Variants in LLGL1 observed in about 807,000 individuals in gnomAD.
The protein encoded by LLGL1 is LLGL scribble cell polarity complex component 1, also known as lethal(2) giant larvae protein homolog 1.
In LLGL1, 58 loss-of-function variants were observed where a neutral mutation model predicts 110.6. The observed-to-expected ratio is 0.52, with a 90% confidence interval of 0.42 to 0.65. The LOEUF (loss-of-function observed/expected upper bound fraction) is 0.65, where lower values mean the gene tolerates loss of function less well. Ranked by LOEUF, LLGL1 falls within the 30% of genes least tolerant of loss-of-function variation. The pLI, the probability that LLGL1 is intolerant of heterozygous loss-of-function variation, is 0.00. For missense variants in LLGL1, 1,229 were observed against 1,462.1 expected, an observed-to-expected ratio of 0.84 and a Z score of 2.60; for synonymous variants, 674 against 607.2, an observed-to-expected ratio of 1.11 and a Z score of -1.62.
rs200704941 is a variant in LLGL1, at chr17:18,241,441, C to T, written c.2503-10C>T. On this transcript the variant is annotated splice_polypyrimidine_tract_variant and intron_variant, in intron 17 of 22. Transcript: ENST00000316843. The stretch of plus-strand genomic sequence containing the variant: ...GCCAGGCTTTGTGCTCACCAGCCAC[C>T]TGCTGTCAGGTGTTCACACTGCCCA... The T allele has an allele frequency of 1.1e-5, 17 of 1,608,036 alleles. 1 individual carries two copies. The East Asian group carries it at 3.4e-4, about 32-fold the overall frequency.
intron 2 of LLGL1, 143 bp downstream of exon 2, chr17:18,230,181 G>T: frequency 1.7e-6 from 1 of 582,242 alleles, no homozygotes; most frequent in Non-Finnish European, 3.0e-6. Context: ...GGGCTTCTGC[G>T]GAGGTTGGCG....
At chr17:18,236,140 G>A in intron 11 of LLGL1, 1 of 183,746 alleles carries the variant, frequency 5.4e-6, no homozygotes, top group Non-Finnish European at 1.1e-5. Flanking sequence ...TCCTTCCCCT[G>A]CCCCCTCCCT....
chr17:18,226,829 G>T (rs2047454702), intron 1 of LLGL1, among the ~76,000 whole-genome samples: 1 of 152,250 alleles, frequency 6.6e-6, no homozygotes, highest in South Asian at 2.1e-4. Flanking sequence ...CTCTGGGGAC[G>T]TTGGTTTTGT....
intron 13 of LLGL1, 157 bp downstream of exon 13, chr17:18,237,096 G>A: frequency 3.1e-6 from 2 of 648,548 alleles, no homozygotes; most frequent in Admixed American, 5.4e-5. Flanking sequence ...GGACAGATGG[G>A]AAGTGGGCCT....
chr17:18,230,733 T>C (rs1196991907), intron 2 of LLGL1, among the ~76,000 whole-genome samples: 4 of 152,128 alleles, frequency 2.6e-5, no homozygotes, highest in Non-Finnish European at 5.9e-5. Flanking sequence ...CTGTGTGGCC[T>C]TCTGGGTTTC....
At position 18,232,504 on chromosome 17, in the gene LLGL1, A is replaced by C; in HGVS notation, c.189A>C (p.Ala63=). 8.1e-6 allele frequency: 13 copies of C among 1,613,732 alleles called. No homozygotes were observed. The highest frequency in any genetic ancestry group is 1.3e-5 in the African/African-American group (1 of 75,000). The change falls in exon 3 of 23, where the codon GCA becomes GCC. Residue 63 remains alanine (A), a synonymous_variant. Transcript: ENST00000316843. ...GACCTGCCACCCTCAGCTATGGTGC[A>C]CCTGGCGTGGAGTTCACAGGCCTGC... ...TRSGAVKIYG[A]PGVEFTGLHR... is the part of the protein sequence containing the mutation.
At position 18,242,556 on chromosome 17, in the gene LLGL1, C is replaced by T. The variant is rs1313608479; in HGVS notation, c.3044C>T (p.Ser1015Leu). ...EAALSPMSID[S>L]ATSADTTLDT... ...GCACTCTCACCCATGTCCATCGACT[C>T]AGCCACCAGTGCTGACACCACGCTG... is the stretch of plus-strand genomic sequence containing the variant. Residue 1015 changes from serine to leucine, a missense_variant, in exon 21 of 23, where the codon TCA (serine) becomes TTA (leucine). Physicochemically the swap from Ser to Leu is moderately radical, Grantham distance 145 (BLOSUM62 -2). Coordinates refer to ENST00000316843, the MANE Select transcript of LLGL1 (RefSeq NM_004140.4). 1 of 1,614,000 alleles carries T rather than the reference C, an allele frequency of 6.2e-7. No individual in the cohort carries two copies. Among genetic ancestry groups the T allele is most frequent in the Admixed American group, 1.7e-5 (1 of 60,004 alleles).
At position 18,234,103 on chromosome 17, in the gene LLGL1, C is replaced by T. The variant is rs1270247769; in HGVS notation, c.642C>T (p.Gly214=). ...GGGACCCCACAAAGATTCTCATTGG[C>T]TACAGCCGGGGCCTGCTGGTCATCT... ...HLRDPTKILI[G]YSRGLLVIWN... is the part of the protein sequence containing the mutation. The change falls in exon 6 of 23, where the codon GGC becomes GGT. Residue 214 remains glycine (G), a synonymous_variant. Transcript: ENST00000316843. 1 of 1,612,096 alleles carries T rather than the reference C, an allele frequency of 6.2e-7. No homozygotes were observed. The highest frequency in any genetic ancestry group is 1.7e-5 in the Admixed American group (1 of 59,904).
chr17:18,240,318 C>T lies in LLGL1; in HGVS notation c.2207-260C>T, dbSNP rs1258023746. Among the ~76,000 whole-genome samples the T allele has an allele frequency of 6.6e-6, 1 of 152,136 alleles. No individual in the cohort carries two copies. Among genetic ancestry groups the T allele is most frequent in the African/African-American group, 2.4e-5 (1 of 41,416 alleles). ...ATCAGCATTCTGTGCAGATGCGCTA[C>T]AGCTGTTCGGGCCTCTGCAGGAGGG... On this transcript the variant is annotated intron_variant, in intron 16 of 22. Transcript: ENST00000316843. The surrounding 1 kb of genome is among the most constrained non-coding windows in gnomAD (Gnocchi z 5.3).
At chr17:18,237,416 C>A in intron 13 of LLGL1, 65 bp from the exon 14 acceptor site, 1 of 1,445,098 alleles carries the variant, frequency 6.9e-7, no homozygotes, top group Non-Finnish European at 9.2e-7. Context: ...AGGCTCCAGG[C>A]TGAGTGGGGC....
intron 7 of LLGL1, 95 bp downstream of exon 7, chr17:18,234,503 G>T (rs938847909): frequency 2.5e-5 from 40 of 1,579,840 alleles, no homozygotes; most frequent in Admixed American, 5.2e-5. Context: ...CCCCGAGGGG[G>T]TGGTCTGGGG....
chr17:18,235,548 G>T lies in LLGL1; in HGVS notation c.1352+11G>T, dbSNP rs199612983. 2 of 1,612,022 alleles carry T rather than the reference G, an allele frequency of 1.2e-6. No individual in the cohort carries two copies. The highest frequency in any genetic ancestry group is 1.7e-6 in the Non-Finnish European group (2 of 1,179,050). ...GCTGCTGCTGACGGGGTAGGTGTGCGTGCTTATGTGGGTGAGTGGGCCCCT... is the reference window on the plus strand; with the variant it reads ...GCTGCTGCTGACGGGGTAGGTGTGCTTGCTTATGTGGGTGAGTGGGCCCCT... On this transcript the variant is annotated intron_variant, in intron 11 of 22. Coordinates refer to ENST00000316843, the MANE Select transcript of LLGL1 (RefSeq NM_004140.4).
At chr17:18,241,385 G>A (rs2047827782) in intron 17 of LLGL1, 66 bp from the exon 18 acceptor site, 7 of 1,543,632 alleles carry the variant, frequency 4.5e-6, no homozygotes, top group South Asian at 1.2e-5. Flanking sequence ...CAGCAGCCAC[G>A]AGGGTGAGGG....
chr17:18,233,048 CA>C (rs1353305006), intron 4 of LLGL1, among the ~76,000 whole-genome samples: 1 of 152,226 alleles, frequency 6.6e-6, no homozygotes, highest in East Asian at 1.9e-4. Flanking sequence ...TTGTGAGCAG[CA>C]GGAGGTACAT....
chr17:18,229,875 C>T, intron 1 of LLGL1, 66 bp from the exon 2 acceptor site: 2 of 1,174,592 alleles, frequency 1.7e-6, no homozygotes, highest in Admixed American at 2.0e-5. Flanking sequence ...TGGGGTGGGC[C>T]TCAGGGTGGG....
At chr17:18,242,355 AG>A in intron 20 of LLGL1, 77 bp downstream of exon 20, 2 of 1,548,336 alleles carry the variant, frequency 1.3e-6, no homozygotes, top group South Asian at 1.1e-5. Context: ...CACATAGCTC[AG>A]GGATCGGGCA....
intron 22 of LLGL1, among the ~76,000 whole-genome samples, chr17:18,243,213 T>C (rs2047889488): frequency 6.6e-6 from 1 of 152,220 alleles, no homozygotes; most frequent in Non-Finnish European, 1.5e-5. Context: ...GTTCATGCCA[T>C]TCTCCTGCCT....
In LLGL1 at chr17:18,241,036, C is replaced by T. The variant is rs541787381; in HGVS notation, c.2502+163C>T. Reference sequence around the variant, plus strand: ...AAACACTCCCAGCCAGCAGAGAACTCCTACCCAAGAACCCTGATGCCCCCT... The same window carrying T: ...AAACACTCCCAGCCAGCAGAGAACTTCTACCCAAGAACCCTGATGCCCCCT... On this transcript the variant is annotated intron_variant, in intron 17 of 22. Transcript: ENST00000316843. 34 of 776,864 alleles carry T rather than the reference C, an allele frequency of 4.4e-5. No homozygotes were observed. The South Asian group carries it at 5.7e-4, about 13-fold the overall frequency. The allele number at this position is 776,864 out of a possible 1,614,324, so 48.1% of individuals were successfully genotyped here.
chr17:18,234,783 A>AGTAT (rs751189196), intron 8 of LLGL1, 56 bp from the exon 9 acceptor site: 12 of 1,613,714 alleles, frequency 7.4e-6, no homozygotes, highest in Non-Finnish European at 1.0e-5. Flanking sequence ...TAGGTTGTGC[A>AGTAT]GTATGTGCTC....
Sources: gnomAD v4.1 joint callset for allele counts (sites outside exome capture counted in the v4.1 genomes callset) on GRCh38, gnomAD v4.1.1 for gene constraint, Gnocchi (gnomAD v3.1) non-coding constraint, MANE v1.5 for transcripts, NCBI Gene and HGNC (gene_info 2026-07-23, HGNC 2026-07-21) for gene names.